The following EPB41L5 variants were observed in gnomAD, a reference collection of about 807,000 sequenced individuals.
EPB41L5 encodes band 4.1-like protein 5.
A neutral mutation model predicts 106.6 loss-of-function variants in EPB41L5; 55 were observed. That is an observed-to-expected ratio of 0.52 (90% CI 0.42 to 0.65). The LOEUF (loss-of-function observed/expected upper bound fraction) is 0.65. Among genes scored for constraint, EPB41L5 ranks in the 30% least tolerant of loss-of-function variants. EPB41L5 has a pLI of 0.00. For synonymous variants in EPB41L5, 297 were observed against 306.7 expected (o/e 0.97, Z 0.33); for missense variants, 871 against 882.1 (o/e 0.99, Z 0.16).
rs758913196 is a variant in EPB41L5 at position 120,019,167 on chromosome 2, G to A, written c.83G>A (p.Arg28His). 15 of 1,613,856 alleles carry A rather than the reference G, an allele frequency of 9.3e-6. No individual in the cohort carries two copies. The highest frequency in any genetic ancestry group is 6.7e-5 in the African/African-American group (5 of 74,856). The change falls in exon 2 of 25, where the codon CGC becomes CAC. Residue 28 changes from arginine (R) to histidine (H), a missense_variant. By Grantham distance (29) the Arg-to-His change is conservative. Coordinates refer to ENST00000263713, the MANE Select transcript of EPB41L5 (RefSeq NM_020909.4). ...AEKERLREAQ[R>H]AATHIPAAGD... ...AAGGAACGACTCCGAGAAGCACAAC[G>A]CGCCGCCACACATATTCCTGCAGCT...
chr2:120,092,910 G>A (rs934111859), intron 13 of EPB41L5, among the ~76,000 whole-genome samples: 1 of 152,208 alleles, frequency 6.6e-6, no homozygotes, highest in African/African-American at 2.4e-5. Flanking sequence ...TCTATGGTGT[G>A]AATCCCAAAA....
At chr2:120,031,505 T>C (rs956896440) in intron 2 of EPB41L5, among the ~76,000 whole-genome samples, 1 of 152,016 alleles carries the variant, frequency 6.6e-6, no homozygotes, top group African/African-American at 2.4e-5. Context: ...GAATTTGTAG[T>C]GGGCCAGAGC....
At chr2:120,061,558 G>C (rs996486678) in intron 3 of EPB41L5, among the ~76,000 whole-genome samples, 8 of 151,300 alleles carry the variant, frequency 5.3e-5, no homozygotes, top group Admixed American at 4.6e-4. Context: ...CACCACGTTG[G>C]GTGGGCTGGT....
chr2:120,052,922 A>G (rs911294302), intron 3 of EPB41L5, among the ~76,000 whole-genome samples: 6 of 152,012 alleles, frequency 3.9e-5, no homozygotes, highest in Admixed American at 2.6e-4. Context: ...TTCTCTTTCC[A>G]TATTTGTAGT....
At chr2:120,061,992 G>C (rs1307996232) in intron 3 of EPB41L5, among the ~76,000 whole-genome samples, 1 of 151,922 alleles carries the variant, frequency 6.6e-6, no homozygotes, top group Non-Finnish European at 1.5e-5. Flanking sequence ...TTTTTATACT[G>C]AATTTTGATT....
intron 3 of EPB41L5, among the ~76,000 whole-genome samples, chr2:120,071,274 G>A (rs1681845710): frequency 6.6e-6 from 1 of 152,150 alleles, no homozygotes; most frequent in Non-Finnish European, 1.5e-5. Flanking sequence ...AACTCACAAG[G>A]GATGTGGAGG....
intron 16 of EPB41L5, among the ~76,000 whole-genome samples, chr2:120,121,548 G>A (rs576936713): frequency 3.3e-5 from 5 of 152,254 alleles, no homozygotes; most frequent in East Asian, 1.9e-4. Flanking sequence ...TTTTATGGCC[G>A]CATAGTATTC....
intron 18 of EPB41L5, among the ~76,000 whole-genome samples, chr2:120,134,557 C>T (rs1378531833): frequency 6.6e-6 from 1 of 152,148 alleles, no homozygotes; most frequent in African/African-American, 2.4e-5. Flanking sequence ...CACAGGGGTG[C>T]TTGTGTCGTT....
intron 3 of EPB41L5, among the ~76,000 whole-genome samples, chr2:120,048,663 C>G (rs866194913): frequency 4.6e-5 from 7 of 151,872 alleles, no homozygotes; most frequent in Non-Finnish European, 7.4e-5. Flanking sequence ...CAGTTCTGCT[C>G]TGATCTTAGT....
At chr2:120,058,555 T>G (rs1271163937) in intron 3 of EPB41L5, among the ~76,000 whole-genome samples, 2 of 152,106 alleles carry the variant, frequency 1.3e-5, no homozygotes, top group Non-Finnish European at 2.9e-5. Context: ...TCCAGCAGAC[T>G]GTAGAGGATC....
intron 1 of EPB41L5, among the ~76,000 whole-genome samples, chr2:120,016,563 A>T (rs1677541720): frequency 6.6e-6 from 1 of 151,614 alleles, no homozygotes. Flanking sequence ...ACAATATCTT[A>T]TTTTTTTTCA....
intron 19 of EPB41L5, among the ~76,000 whole-genome samples, chr2:120,145,402 A>G (rs1686352381): frequency 6.6e-6 from 1 of 152,226 alleles, no homozygotes; most frequent in Non-Finnish European, 1.5e-5. Context: ...GTGAATCTCA[A>G]AGACATCTCC....
At chr2:120,167,616 A>C in intron 23 of EPB41L5, 109 bp downstream of exon 23, 2 of 1,238,014 alleles carry the variant, frequency 1.6e-6, no homozygotes, top group Admixed American at 3.9e-5. Context: ...TTGTTATCAA[A>C]GCCTTGTTAA....
intron 3 of EPB41L5, among the ~76,000 whole-genome samples, chr2:120,070,001 C>CA (rs1466377409): frequency 3.3e-5 from 5 of 152,066 alleles, no homozygotes; most frequent in Admixed American, 6.6e-5. Flanking sequence ...AAAAACCCTT[C>CA]AAAAAATCAA....
chr2:120,143,842 G>T (rs1311928772), intron 19 of EPB41L5, among the ~76,000 whole-genome samples: 1 of 152,104 alleles, frequency 6.6e-6, no homozygotes, highest in Non-Finnish European at 1.5e-5. Flanking sequence ...TATAAAATAT[G>T]ATAGTATTGA....
intron 17 of EPB41L5, among the ~76,000 whole-genome samples, chr2:120,128,949 C>T (rs958947296): frequency 2.6e-5 from 4 of 152,138 alleles, no homozygotes; most frequent in African/African-American, 9.7e-5. Context: ...TTCTTGTTAG[C>T]AATGCTTGCT....
intron 2 of EPB41L5, among the ~76,000 whole-genome samples, chr2:120,028,798 G>A (rs1678509093): frequency 6.6e-6 from 1 of 152,130 alleles, no homozygotes; most frequent in Admixed American, 6.5e-5. Context: ...ACTCTGATGG[G>A]AGGGGCGCAT....
At chr2:120,144,139 T>C (rs1025268341) in intron 19 of EPB41L5, among the ~76,000 whole-genome samples, 1 of 152,202 alleles carries the variant, frequency 6.6e-6, no homozygotes, top group South Asian at 2.1e-4. Flanking sequence ...AATTTTTATG[T>C]TGAAACCTAA....
At chr2:120,173,037 G>C (rs1330231759) in intron 24 of EPB41L5, among the ~76,000 whole-genome samples, 5 of 152,062 alleles carry the variant, frequency 3.3e-5, no homozygotes, top group Non-Finnish European at 7.4e-5. Context: ...AGACCAGCTT[G>C]GGCAACATAC....
Sources: allele counts gnomAD v4.1 joint callset (sites outside exome capture counted in the v4.1 genomes callset), GRCh38; gene constraint gnomAD v4.1.1; transcripts MANE v1.5; gene names NCBI Gene and HGNC (gene_info 2026-07-23, HGNC 2026-07-21).